Variants in CACNA2D1 observed in about 807,000 individuals in gnomAD.
CACNA2D1 encodes calcium voltage-gated channel auxiliary subunit alpha2delta 1, also known as voltage-dependent calcium channel subunit alpha-2/delta-1.
CACNA2D1 carries 53 observed loss-of-function variants against 171.5 expected under a neutral mutation model. The observed-to-expected ratio is 0.31, with a 90% CI of 0.25 to 0.39. The LOEUF (loss-of-function observed/expected upper bound fraction) is 0.39, where lower values mean the gene tolerates loss of function less well. Among genes scored for constraint, CACNA2D1 ranks in the 10% least tolerant of loss-of-function variants. The pLI is 1.00. For missense variants in CACNA2D1, 903 were observed against 1,299.8 expected (o/e 0.69, Z 4.69); for synonymous variants, 442 against 443.1 (o/e 1.00, Z 0.03).
Position 81,994,906 on chromosome 7 carries a change from C to T in CACNA2D1, c.1696G>A (p.Glu566Lys). The change falls in exon 20 of 39, where the codon GAA becomes AAA. Residue 566 changes from glutamate (E) to lysine (K), a missense_variant. Physicochemically the swap from Glu to Lys is moderately conservative, Grantham distance 56. This residue lies in a region of CACNA2D1 where 623 missense variants were observed against 925.5 expected (regional missense o/e 0.67). Transcript: ENST00000356860. Reference sequence around the variant, plus strand: ...TTAACCAGAGTTCTGAATGTTTTTTCTCCACTTTCCCCATCAATCATCTTA... The same window carrying T: ...TTAACCAGAGTTCTGAATGTTTTTTTTCCACTTTCCCCATCAATCATCTTA... Reference protein sequence around the residue: ...RNKMIDGESGEKTFRTLVKSQ... With the variant: ...RNKMIDGESGKKTFRTLVKSQ... 1 of 1,545,918 alleles carries T rather than the reference C, an allele frequency of 6.5e-7. No individual in the cohort carries two copies. Among genetic ancestry groups the T allele is most frequent in the Non-Finnish European group, 8.9e-7 (1 of 1,118,238 alleles).
At chr7:82,032,492 C>T (rs1056170951) in intron 12 of CACNA2D1, among the ~76,000 whole-genome samples, 7 of 151,488 alleles carry the variant, frequency 4.6e-5, no homozygotes, top group African/African-American at 1.2e-4. Flanking sequence ...TCCTATTTTA[C>T]CATTCCTTTG....
At chr7:82,395,615 T>C (rs1181512139) in intron 1 of CACNA2D1, among the ~76,000 whole-genome samples, 1 of 152,218 alleles carries the variant, frequency 6.6e-6, no homozygotes, top group Non-Finnish European at 1.5e-5. Flanking sequence ...TTGAATATTA[T>C]GCTGTTCATG....
intron 4 of CACNA2D1, among the ~76,000 whole-genome samples, chr7:82,142,410 T>C (rs1007129532): frequency 9.2e-5 from 14 of 152,148 alleles, no homozygotes; most frequent in Non-Finnish European, 1.9e-4. Context: ...AAAATGTATA[T>C]TGTGAGTGAC....
chr7:82,171,881 G>GAAC (rs1172839524), intron 3 of CACNA2D1, among the ~76,000 whole-genome samples: 1 of 152,064 alleles, frequency 6.6e-6, no homozygotes, highest in African/African-American at 2.4e-5. Context: ...TGTGATCTAT[G>GAAC]AACTATTCCT....
At chr7:82,266,146 A>G (rs1182204948) in intron 3 of CACNA2D1, among the ~76,000 whole-genome samples, 1 of 152,206 alleles carries the variant, frequency 6.6e-6, no homozygotes, top group South Asian at 2.1e-4. Context: ...TTTTTATTCA[A>G]TAAACCAATT....
At chr7:82,206,620 G>A (rs1187750909) in intron 3 of CACNA2D1, among the ~76,000 whole-genome samples, 2 of 152,064 alleles carry the variant, frequency 1.3e-5, no homozygotes, top group Non-Finnish European at 2.9e-5. Flanking sequence ...TTCCAGCAAT[G>A]CCTGAGGCTT....
intron 1 of CACNA2D1, among the ~76,000 whole-genome samples, chr7:82,439,139 T>C (rs1830310476): frequency 6.6e-6 from 1 of 152,078 alleles, no homozygotes; most frequent in East Asian, 1.9e-4. Context: ...AAGAGAAACC[T>C]TAAGAGGTGC....
At chr7:81,994,747 T>G (rs943664245) in intron 20 of CACNA2D1, 121 bp downstream of exon 20, 3 of 618,758 alleles carry the variant, frequency 4.8e-6, no homozygotes, top group Admixed American at 2.8e-5. Context: ...AAAAATTGTT[T>G]CCTAGAGATC....
At chr7:82,278,582 T>C (rs547477491) in intron 3 of CACNA2D1, among the ~76,000 whole-genome samples, 190 of 114,766 alleles carry the variant, frequency 1.7e-3, no homozygotes, top group African/African-American at 5.5e-3. Context: ...AAAAAAAAAA[T>C]TACATATCTT....
rs71093357 is a variant in CACNA2D1 at position 82,055,930 on chromosome 7, G to GTGTATATATATATATA, written c.879+4497_879+4498insTATATATATATATACA. On this transcript the variant is annotated intron_variant, in intron 10 of 38. Coordinates refer to ENST00000356860, the MANE Select transcript of CACNA2D1 (RefSeq NM_000722.4). The stretch of plus-strand genomic sequence containing the variant: ...AAGTATAATAAATATGTGTGTGTGT[G>GTGTATATATATATATA]TATATATATATATATATAATTTTTT... 4.0e-4 allele frequency among the ~76,000 whole-genome samples: 45 copies of GTGTATATATATATATA among 111,456 alleles called. 1 individual carries two copies. The highest frequency in any genetic ancestry group is 1.4e-3 in the African/African-American group (38 of 28,074). The allele number at this position is 111,456 out of a possible 152,430, so 73.1% of individuals were successfully genotyped here.
chr7:82,211,872 TTTTTGTTTTGTTTTG>T (rs532561661), intron 3 of CACNA2D1, among the ~76,000 whole-genome samples: 6 of 152,024 alleles, frequency 3.9e-5, no homozygotes, highest in African/African-American at 1.2e-4. Flanking sequence ...CAAACACCTG[TTTTTGTTTTGTTTTG>T]TTTTGTTTTG....
intron 3 of CACNA2D1, among the ~76,000 whole-genome samples, chr7:82,325,631 A>T (rs17177855): frequency 1.3e-5 from 2 of 152,168 alleles, no homozygotes; most frequent in East Asian, 3.9e-4. Context: ...AGAATTCCAG[A>T]CCAAATCTCT....
Position 82,148,762 on chromosome 7 carries a change from C to G in CACNA2D1, c.355-12086G>C, listed in dbSNP as rs187583069. 5.3e-5 allele frequency among the ~76,000 whole-genome samples: 8 copies of G among 152,198 alleles called. No individual in the cohort carries two copies. The East Asian group carries it at 1.2e-3, about 22-fold the overall frequency. ...AAGTGATTCTCCTGCCTCAGCCTCC[C>G]GAGTAGCTGGGATTGCAGGTGCCTG... On this transcript the variant is annotated intron_variant, in intron 4 of 38. Transcript: ENST00000356860.
intron 20 of CACNA2D1, 141 bp downstream of exon 20, chr7:81,994,727 C>T: frequency 1.7e-6 from 1 of 579,746 alleles, no homozygotes; most frequent in South Asian, 2.5e-5. Flanking sequence ...CTAAGAAGTG[C>T]TTTAAAAAGA....
chr7:82,162,224 C>T (rs1274746500), intron 4 of CACNA2D1, among the ~76,000 whole-genome samples: 1 of 151,538 alleles, frequency 6.6e-6, no homozygotes, highest in East Asian at 1.9e-4. Flanking sequence ...CAGAGGTCCA[C>T]ATAACTTTTG....
chr7:81,966,963 GATAC>G (rs937824925), intron 31 of CACNA2D1, among the ~76,000 whole-genome samples: 4 of 151,222 alleles, frequency 2.6e-5, no homozygotes, highest in Non-Finnish European at 4.4e-5. Flanking sequence ...ACCTTCCAAG[GATAC>G]ATACATATTT....
chr7:82,002,457 C>T (rs958024859), intron 18 of CACNA2D1, among the ~76,000 whole-genome samples: 29 of 152,072 alleles, frequency 1.9e-4, no homozygotes, highest in Admixed American at 1.6e-3. Context: ...GAAAATTGTA[C>T]GATATTAAAA....
intron 7 of CACNA2D1, among the ~76,000 whole-genome samples, chr7:82,073,725 C>T (rs1041202593): frequency 7.2e-5 from 11 of 151,930 alleles, no homozygotes; most frequent in South Asian, 2.1e-4. Flanking sequence ...CTCAGCCTAC[C>T]GAGTAGCTGG....
At chr7:82,378,242 G>T (rs1402648863) in intron 1 of CACNA2D1, among the ~76,000 whole-genome samples, 1 of 151,882 alleles carries the variant, frequency 6.6e-6, no homozygotes, top group Non-Finnish European at 1.5e-5. Flanking sequence ...ACAAAAAAAT[G>T]TTTTTAATTA....
Sources: allele counts gnomAD v4.1 joint callset (sites outside exome capture counted in the v4.1 genomes callset), GRCh38; gene constraint gnomAD v4.1.1; regional missense constraint gnomAD v4.1.1; transcripts MANE v1.5; gene names NCBI Gene and HGNC (gene_info 2026-07-23, HGNC 2026-07-21).